The following MYH15 variants were observed in gnomAD, a reference collection of about 807,000 sequenced individuals.
MYH15 encodes myosin-15.
In MYH15, 227 loss-of-function variants were observed where a neutral mutation model predicts 240.5. The observed-to-expected ratio is 0.94, with a 90% CI of 0.85 to 1.05. The LOEUF is 1.05. Ranked by LOEUF, MYH15 falls within the 50% of genes least tolerant of loss-of-function variation. The pLI, the probability that MYH15 is intolerant of heterozygous loss-of-function variation, is 0.00. For missense variants in MYH15, 2,217 were observed against 2,247.5 expected (o/e 0.99, Z 0.27); for synonymous variants, 785 against 796.7 (o/e 0.99, Z 0.25).
rs1560352702 is a variant in MYH15, at chr3:108,428,691, CG to C, written c.3502del (p.Arg1168GlufsTer17). ...GTGCAGAGTGGCCTCTTCCATGTCT[CG>C]GTGCAGCTTCTGGAATTTGGTTTCC... ...KQETKFQKLHRDMEEATLHFE... is the reference protein window; with the variant it reads ...KQETKFQKLHXDMEEATLHFE... On this transcript the variant is annotated frameshift_variant, in exon 27 of 41. Transcript: ENST00000693548. LOFTEE classifies it high-confidence loss of function. 3 of 1,613,838 alleles carry C rather than the reference CG, an allele frequency of 1.9e-6. No individual in the cohort carries two copies. The African/African-American group carries it at 4.0e-5, about 22-fold the overall frequency.
intron 12 of MYH15, among the ~76,000 whole-genome samples, chr3:108,474,818 C>T (rs904452035): frequency 2.6e-5 from 4 of 152,224 alleles, no homozygotes; most frequent in African/African-American, 4.8e-5. Context: ...TCCTGCTGAT[C>T]GTGATTCAAG....
intron 31 of MYH15, among the ~76,000 whole-genome samples, chr3:108,409,201 T>C (rs975902646): frequency 1.3e-5 from 2 of 152,148 alleles, no homozygotes; most frequent in Admixed American, 1.3e-4. Flanking sequence ...AAGACAAATA[T>C]GTTAGATGGA....
At chr3:108,525,327 CTTTA>C (rs1280455763) in intron 1 of MYH15, among the ~76,000 whole-genome samples, 2 of 151,922 alleles carry the variant, frequency 1.3e-5, no homozygotes, top group Non-Finnish European at 2.9e-5. Flanking sequence ...TCTAGAGCTC[CTTTA>C]TTTATTTTAA....
In MYH15 at chr3:108,455,827, T is replaced by C; in HGVS notation, c.2171A>G (p.Lys724Arg). 1 of 1,613,280 alleles carries C rather than the reference T, an allele frequency of 6.2e-7. No homozygotes were observed. The highest frequency in any genetic ancestry group is 8.5e-7 in the Non-Finnish European group (1 of 1,179,286). ...TTTTCTGCTGCTCACAAACTTGCTCTTTGGAAAGGTCCTTGGATTCAGAAT... is the reference window on the plus strand; with the variant it reads ...TTTTCTGCTGCTCACAAACTTGCTCCTTGGAAAGGTCCTTGGATTCAGAAT... ...YCILNPRTFP[K>R]SKFVSSRKAA... Residue 724 changes from lysine to arginine, a missense_variant, in exon 20 of 41, where the codon AAG becomes AGG. Coordinates refer to ENST00000693548, the MANE Select transcript of MYH15 (RefSeq NM_014981.3).
chr3:108,549,002 C>G, the MYH15 span, among the ~76,000 whole-genome samples: 44 of 151,910 alleles, frequency 2.9e-4, no homozygotes, highest in East Asian at 8.3e-3. Context: ...AAACTTTAAC[C>G]AACCAAATTT....
At chr3:108,547,003 A>AT in the MYH15 span, among the ~76,000 whole-genome samples, 1 of 152,134 alleles carries the variant, frequency 6.6e-6, no homozygotes, top group African/African-American at 2.4e-5. Context: ...ACAGAGGTAT[A>AT]TAATTTCAAG....
chr3:108,499,584 C>G (rs2083421128), intron 4 of MYH15, 102 bp from the exon 5 acceptor site: 4 of 1,120,336 alleles, frequency 3.6e-6, no homozygotes, highest in Non-Finnish European at 5.4e-6. Context: ...AAATCAGACA[C>G]AAGGGAAAGG....
chr3:108,428,339 G>A (rs2107559884), intron 27 of MYH15, among the ~76,000 whole-genome samples, 153 bp downstream of exon 27: 1 of 152,312 alleles, frequency 6.6e-6, no homozygotes, highest in East Asian at 1.9e-4. Context: ...ACTAAGGTCA[G>A]GCCTGATCTA....
rs747160307 is a variant in MYH15, at chr3:108,394,172, A to G, written c.5134-16T>C. The G allele has an allele frequency of 4.4e-5, 71 of 1,613,592 alleles. No individual in the cohort carries two copies. The highest frequency in any genetic ancestry group is 1.6e-4 in the Middle Eastern group (1 of 6,080). ...GGCTTGTGTTCTAAAGAAAAGCAGC[A>G]TTCCTATTAGGCAAGTAAAAACCAG... On this transcript the variant is annotated splice_polypyrimidine_tract_variant and intron_variant, in intron 35 of 40. Coordinates refer to ENST00000693548, the MANE Select transcript of MYH15 (RefSeq NM_014981.3).
upstream of MYH15, among the ~76,000 whole-genome samples, chr3:108,530,864 AAT>A (rs1268063368): frequency 6.6e-6 from 1 of 152,244 alleles, no homozygotes; most frequent in African/African-American, 2.4e-5. Flanking sequence ...AAAACATTAC[AAT>A]AGTTATTATA....
chr3:108,417,861 C>CTA (rs774246267), intron 28 of MYH15, among the ~76,000 whole-genome samples: 149 of 151,440 alleles, frequency 9.8e-4, no homozygotes, highest in Non-Finnish European at 1.6e-3. Flanking sequence ...ATATACACAC[C>CTA]TATATGTACA....
the MYH15 span, among the ~76,000 whole-genome samples, chr3:108,549,439 T>C: frequency 1 from 151,473 of 151,960 alleles, 75,494 homozygotes; most frequent in Middle Eastern, 1. Context: ...ACGGACTTTC[T>C]TCTTTAGGGA....
intron 9 of MYH15, among the ~76,000 whole-genome samples, chr3:108,491,055 G>A (rs1371113792): frequency 6.6e-6 from 1 of 151,958 alleles, no homozygotes; most frequent in African/African-American, 2.4e-5. Context: ...GCCTGGCTAA[G>A]TTTTGTATTT....
intron 16 of MYH15, 124 bp downstream of exon 16, chr3:108,462,987 G>T: frequency 1.3e-5 from 14 of 1,091,296 alleles, no homozygotes; most frequent in Non-Finnish European, 1.8e-5. Flanking sequence ...TAATAAGAGG[G>T]GACGACTCAG....
At position 108,485,103 on chromosome 3, in the gene MYH15, CT is replaced by C; in HGVS notation, c.1101del (p.Asp368MetfsTer21). ...KQKPREEQLEADGTENADKAA... is the reference protein window; with the variant it reads ...KQKPREEQLEXDGTENADKAA... ...AAGTAATTCTTACTTTCTGTGCCATCTGCTTCCAGTTGCTCTTCTCTAGGTT... is the reference window on the plus strand; with the variant it reads ...AAGTAATTCTTACTTTCTGTGCCATCGCTTCCAGTTGCTCTTCTCTAGGTT... On this transcript the variant is annotated frameshift_variant, in exon 11 of 41. Coordinates refer to ENST00000693548, the MANE Select transcript of MYH15 (RefSeq NM_014981.3). LOFTEE classifies it high-confidence loss of function. The C allele has an allele frequency of 6.2e-7, 1 of 1,614,008 alleles. No individual in the cohort carries two copies. The highest frequency in any genetic ancestry group is 8.5e-7 in the Non-Finnish European group (1 of 1,179,928).
At chr3:108,502,174 A>G (rs991638123) in intron 2 of MYH15, among the ~76,000 whole-genome samples, 1 of 152,168 alleles carries the variant, frequency 6.6e-6, no homozygotes, top group Non-Finnish European at 1.5e-5. Flanking sequence ...GTACAATCTA[A>G]CCCCTAACTC....
intron 38 of MYH15, among the ~76,000 whole-genome samples, chr3:108,385,096 A>G (rs1241380150): frequency 6.6e-6 from 1 of 152,214 alleles, no homozygotes; most frequent in Non-Finnish European, 1.5e-5. Context: ...TATACTTAAA[A>G]TTAGTAGTGA....
chr3:108,539,299 G>A, the MYH15 span, among the ~76,000 whole-genome samples: 2 of 152,124 alleles, frequency 1.3e-5, no homozygotes, highest in African/African-American at 4.8e-5. Context: ...CAATACCGCC[G>A]TGTTAACACT....
chr3:108,459,372 G>A lies in MYH15; in HGVS notation c.2010C>T (p.Asn670=), dbSNP rs533136874. ...AAATCTAGTTCTTACCTGGTATTTT[G>A]TTCACATTGGGATTTATGCATCTCA... ...HFVRCINPNV[N]KIPGILDPYL... The change falls in exon 18 of 41, where the codon AAC becomes AAT. Residue 670 remains asparagine, a synonymous_variant. Coordinates refer to ENST00000693548, the MANE Select transcript of MYH15 (RefSeq NM_014981.3). 8 of 1,586,020 alleles carry A rather than the reference G, an allele frequency of 5.0e-6. 1 individual carries two copies. In the South Asian group the frequency reaches 9.2e-5, roughly 18 times the overall value.
Sources: gnomAD v4.1 joint callset for allele counts (sites outside exome capture counted in the v4.1 genomes callset) on GRCh38, gnomAD v4.1.1 for gene constraint, MANE v1.5 for transcripts, NCBI Gene and HGNC (gene_info 2026-07-23, HGNC 2026-07-21) for gene names.